NLN: variants seen among roughly 807,000 people sequenced by gnomAD.
NLN encodes neurolysin.
NLN carries 64 observed loss-of-function variants against 79.9 expected under a neutral mutation model. The ratio of observed to expected loss-of-function variants is 0.80; its 90% confidence interval spans 0.65 to 0.99. The LOEUF (loss-of-function observed/expected upper bound fraction) is 0.99, where lower values mean the gene tolerates loss of function less well. NLN is among the 50% of genes least tolerant of loss of function. The pLI, the probability that NLN is intolerant of heterozygous loss-of-function variation, is 0.00. For missense variants in NLN, 835 were observed against 858.7 expected, an observed-to-expected ratio of 0.97 and a Z score of 0.34; for synonymous variants, 267 against 296.6, an observed-to-expected ratio of 0.90 and a Z score of 1.02.
At chr5:65,774,055 GTT>G (rs33910517) in intron 3 of NLN, among the ~76,000 whole-genome samples, 4 of 140,362 alleles carry the variant, frequency 2.8e-5, no homozygotes, top group Non-Finnish European at 3.1e-5. Context: ...AGAATTCAAA[GTT>G]TTTTTTTTTT....
At position 65,777,501 on chromosome 5, in the gene NLN, A is replaced by G; in HGVS notation, c.525A>G (p.Arg175=). 6.2e-7 allele frequency: 1 copy of G among 1,611,758 alleles called. No individual in the cohort carries two copies. Among genetic ancestry groups the G allele is most frequent in the Non-Finnish European group, 8.5e-7 (1 of 1,177,836 alleles). Residue 175 remains arginine (R), a synonymous_variant, in exon 4 of 13, where the codon AGA becomes AGG. Transcript: ENST00000380985. ...AAAAGTCAATTAAAATGGGGAAAAG[A>G]AATGGGCTCCATCTTCCTGAACAAG... ...YLEKSIKMGK[R]NGLHLPEQVQ...
intron 1 of NLN, among the ~76,000 whole-genome samples, chr5:65,746,150 A>T (rs1758973839): frequency 6.6e-6 from 1 of 152,170 alleles, no homozygotes; most frequent in Admixed American, 6.5e-5. Flanking sequence ...GGTGTGCAAG[A>T]TGAAAAGAAA....
intron 1 of NLN, among the ~76,000 whole-genome samples, chr5:65,727,401 C>T (rs1396752686): frequency 6.6e-6 from 1 of 152,022 alleles, no homozygotes; most frequent in East Asian, 1.9e-4. Context: ...AATTCCTGGC[C>T]ACAAATGATC....
At chr5:65,786,096 A>G (rs1759915231) in intron 7 of NLN, 186 bp downstream of exon 7, 1 of 472,186 alleles carries the variant, frequency 2.1e-6, no homozygotes, top group East Asian at 3.1e-5. Flanking sequence ...TTATATTGCT[A>G]GTATAGGCCT....
chr5:65,755,723 G>A (rs1051958840), intron 1 of NLN, among the ~76,000 whole-genome samples: 1 of 152,206 alleles, frequency 6.6e-6, no homozygotes, highest in Non-Finnish European at 1.5e-5. Context: ...ATGTGAAAAT[G>A]TATTAGAAAA....
At chr5:65,734,792 T>A (rs1432050316) in intron 1 of NLN, among the ~76,000 whole-genome samples, 1 of 152,228 alleles carries the variant, frequency 6.6e-6, no homozygotes, top group Non-Finnish European at 1.5e-5. Context: ...AGGTCCATAC[T>A]GTCAGGGCTA....
In NLN at chr5:65,812,241, A is replaced by G. The variant is rs1390154197; in HGVS notation, c.1844-14A>G. 24 of 1,612,388 alleles carry G rather than the reference A, an allele frequency of 1.5e-5. No homozygotes were observed. Among genetic ancestry groups the G allele is most frequent in the East Asian group, 2.2e-5 (1 of 44,864 alleles). On this transcript the variant is annotated splice_polypyrimidine_tract_variant and intron_variant, in intron 11 of 12. Coordinates refer to ENST00000380985, the MANE Select transcript of NLN (RefSeq NM_020726.5). ...TTTGCTATCACATTGATTGAAATGT[A>G]TCTTTTTTTAAAGGCACAAATATGC...
At chr5:65,739,814 G>C (rs1033940287) in intron 1 of NLN, among the ~76,000 whole-genome samples, 2 of 152,102 alleles carry the variant, frequency 1.3e-5, no homozygotes, top group African/African-American at 2.4e-5. Context: ...TTTGAGAAAT[G>C]TCTGTTTGAG....
chr5:65,801,791 T>C (rs1314365293), intron 9 of NLN, among the ~76,000 whole-genome samples: 2 of 139,400 alleles, frequency 1.4e-5, no homozygotes, highest in Non-Finnish European at 3.1e-5. Context: ...CAGTTTTTAC[T>C]CTAGCTCATG....
At chr5:65,734,158 A>G (rs1758677938) in intron 1 of NLN, among the ~76,000 whole-genome samples, 2 of 138,568 alleles carry the variant, frequency 1.4e-5, no homozygotes, top group Admixed American at 1.4e-4. Context: ...CGGCCTCCCA[A>G]AGTGTAATTT....
At chr5:65,751,229 G>A (rs895807913) in intron 1 of NLN, among the ~76,000 whole-genome samples, 2 of 152,202 alleles carry the variant, frequency 1.3e-5, no homozygotes, top group Admixed American at 6.5e-5. Context: ...TGGTGACAGG[G>A]AAAGGGATGG....
intron 1 of NLN, among the ~76,000 whole-genome samples, chr5:65,746,968 C>T (rs1481170109): frequency 6.7e-6 from 1 of 149,822 alleles, no homozygotes; most frequent in Non-Finnish European, 1.5e-5. Context: ...CGTGCCACTG[C>T]ACTCCAGCCT....
intron 1 of NLN, among the ~76,000 whole-genome samples, chr5:65,751,289 T>C (rs529006914): frequency 6.6e-5 from 10 of 152,382 alleles, no homozygotes; most frequent in East Asian, 1.9e-4. Context: ...TTACATAATA[T>C]AGTTTCACTA....
Position 65,810,168 on chromosome 5 carries a change from A to G in NLN, c.1843+3A>G. The G allele has an allele frequency of 6.2e-7, 1 of 1,613,436 alleles. No homozygotes were observed. Among genetic ancestry groups the G allele is most frequent in the Non-Finnish European group, 8.5e-7 (1 of 1,179,436 alleles). On this transcript the variant is annotated splice_donor_region_variant and intron_variant, in intron 11 of 12. Transcript: ENST00000380985. Reference sequence around the variant, plus strand: ...ATTAGGAGTTGCAGCTACTCCAGGTATGTAACTACTATGAATTGAGTTCAT... The same window carrying G: ...ATTAGGAGTTGCAGCTACTCCAGGTGTGTAACTACTATGAATTGAGTTCAT...
intron 3 of NLN, among the ~76,000 whole-genome samples, chr5:65,765,286 G>A (rs1171216044): frequency 6.6e-6 from 1 of 152,210 alleles, no homozygotes; most frequent in Non-Finnish European, 1.5e-5. Context: ...GGGAGGCCAA[G>A]GCGGGTGGAT....
intron 9 of NLN, among the ~76,000 whole-genome samples, chr5:65,806,434 T>C (rs889718852): frequency 2.0e-5 from 3 of 152,156 alleles, no homozygotes; most frequent in South Asian, 4.1e-4. Flanking sequence ...TTGTAAGAAA[T>C]TGATTTCAAC....
chr5:65,731,678 G>C (rs1255264612), intron 1 of NLN, among the ~76,000 whole-genome samples: 1 of 146,704 alleles, frequency 6.8e-6, no homozygotes, highest in Non-Finnish European at 1.5e-5. Context: ...TCTGCCTTTG[G>C]TCTCATTCCT....
At chr5:65,741,843 A>G (rs1045659814) in intron 1 of NLN, among the ~76,000 whole-genome samples, 2 of 152,192 alleles carry the variant, frequency 1.3e-5, no homozygotes, top group Admixed American at 6.5e-5. Flanking sequence ...AAGAAAAGAA[A>G]TCTCTTCAAG....
chr5:65,813,645 A>C (rs927720283), intron 12 of NLN, among the ~76,000 whole-genome samples: 16 of 152,124 alleles, frequency 1.1e-4, no homozygotes, highest in African/African-American at 3.9e-4. Flanking sequence ...AGATCATTGA[A>C]GCTGGCTGCA....
Sources: allele counts gnomAD v4.1 joint callset (sites outside exome capture counted in the v4.1 genomes callset), GRCh38; gene constraint gnomAD v4.1.1; transcripts MANE v1.5; gene names NCBI Gene and HGNC (gene_info 2026-07-23, HGNC 2026-07-21).